Variants in CUBN observed in about 807,000 individuals in gnomAD.
CUBN encodes cubilin.
In CUBN, 282 loss-of-function variants were observed where a neutral mutation model predicts 405.3. That is an observed-to-expected ratio of 0.70 (90% CI 0.63 to 0.77). The LOEUF (loss-of-function observed/expected upper bound fraction) is 0.77. Ranked by LOEUF, CUBN falls within the 30% of genes least tolerant of loss-of-function variation. The pLI is 0.00. For missense variants in CUBN, 4,514 were observed against 4,475.2 expected (o/e 1.01, Z -0.25); for synonymous variants, 1,684 against 1,617.0 (o/e 1.04, Z -0.99).
At chr10:17,016,238 T>C (rs935573631) in intron 28 of CUBN, among the ~76,000 whole-genome samples, 1 of 151,996 alleles carries the variant, frequency 6.6e-6, no homozygotes, top group African/African-American at 2.4e-5. Flanking sequence ...ATTCATGGGC[T>C]TTTTCCTAAT....
At chr10:17,038,991 G>A (rs1234517505) in intron 27 of CUBN, among the ~76,000 whole-genome samples, 1 of 152,152 alleles carries the variant, frequency 6.6e-6, no homozygotes, top group Non-Finnish European at 1.5e-5. Context: ...TTTAATTTGA[G>A]TTTTTAAACA....
chr10:16,889,031 A>C (rs1342537933), intron 55 of CUBN, among the ~76,000 whole-genome samples: 1 of 152,218 alleles, frequency 6.6e-6, no homozygotes, highest in Non-Finnish European at 1.5e-5. Context: ...TGCTTTTTAA[A>C]ACTAGCTGGA....
intron 28 of CUBN, among the ~76,000 whole-genome samples, chr10:17,004,918 G>A (rs898966207): frequency 2.6e-5 from 4 of 151,928 alleles, no homozygotes; most frequent in East Asian, 1.9e-4. Context: ...TTGGCCTCCC[G>A]AAGTGCTGGG....
At chr10:16,943,436 C>CA (rs11424438) in intron 36 of CUBN, among the ~76,000 whole-genome samples, 74,249 of 151,952 alleles carry the variant, frequency 0.49, 19,685 homozygotes, top group African/African-American at 0.71. Context: ...TATCTTCAAT[C>CA]TTTTTTTTAT....
intron 28 of CUBN, among the ~76,000 whole-genome samples, chr10:16,996,375 C>T (rs1378525901): frequency 2.0e-5 from 3 of 152,158 alleles, no homozygotes; most frequent in South Asian, 2.1e-4. Context: ...ACTCATCTGC[C>T]GAAAGGAAGT....
At chr10:16,913,528 C>T (rs1841792482) in intron 48 of CUBN, among the ~76,000 whole-genome samples, 1 of 152,196 alleles carries the variant, frequency 6.6e-6, no homozygotes, top group Non-Finnish European at 1.5e-5. Flanking sequence ...GGCTTAGCTT[C>T]CCACAGCCTC....
intron 28 of CUBN, among the ~76,000 whole-genome samples, chr10:17,002,837 A>G (rs922716941): frequency 7.2e-5 from 11 of 152,254 alleles, no homozygotes; most frequent in Admixed American, 7.2e-4. Flanking sequence ...CTTAGAAATG[A>G]GCATCGTCCA....
At position 16,824,227 on chromosome 10, in the gene CUBN, A is replaced by AT. The variant is rs1392194912; in HGVS notation, c.*747dup. On this transcript the variant is annotated 3_prime_UTR_variant, in exon 67 of 67. Coordinates refer to ENST00000377833, the MANE Select transcript of CUBN (RefSeq NM_001081.4). Reference sequence around the variant, plus strand: ...GCCACCATGCCTGGCTAATTTTTTGATTTTTTGTAAAAATCAGGTCTCACT... The same window carrying AT: ...GCCACCATGCCTGGCTAATTTTTTGATTTTTTTGTAAAAATCAGGTCTCACT... 4 of 151,854 alleles carry AT rather than the reference A, an allele frequency of 2.6e-5. No homozygotes were observed. The highest frequency in any genetic ancestry group is 2.4e-5 in the African/African-American group (1 of 41,392). The allele number at this position is 151,854 out of a possible 1,614,324, so 9.4% of individuals were successfully genotyped here.
Position 16,901,408 on chromosome 10 carries a change from T to C in CUBN, c.8114A>G (p.Tyr2705Cys), listed in dbSNP as rs2131422169. The C allele has an allele frequency of 1.2e-6, 2 of 1,614,148 alleles. No homozygotes were observed. Among genetic ancestry groups the C allele is most frequent in the Non-Finnish European group, 1.7e-6 (2 of 1,179,988 alleles). Residue 2705 changes from tyrosine (Y) to cysteine (C), a missense_variant, in exon 52 of 67, where the codon TAT (tyrosine) becomes TGT (cysteine). Physicochemically the swap from Tyr to Cys is radical, Grantham distance 194. This residue lies in a region of CUBN where 1,186 missense variants were observed against 1,186.9 expected (regional missense o/e 1.00). Transcript: ENST00000377833. ...GDSGVITSPN[Y>C]PNAYDSLTHC... Reference sequence around the variant, plus strand: ...GGTCAGGCTGTCATAAGCATTTGGATAGTTGGGGCTTGTGATCACTCCACT... The same window carrying C: ...GGTCAGGCTGTCATAAGCATTTGGACAGTTGGGGCTTGTGATCACTCCACT...
At chr10:17,088,830 A>G (rs1359773342) in intron 14 of CUBN, among the ~76,000 whole-genome samples, 1 of 152,242 alleles carries the variant, frequency 6.6e-6, no homozygotes, top group African/African-American at 2.4e-5. Context: ...CATTCATTTA[A>G]TAAATGAAAA....
intron 31 of CUBN, among the ~76,000 whole-genome samples, chr10:16,972,557 C>T (rs56311018): frequency 0.28 from 43,197 of 151,582 alleles, 6,337 homozygotes; most frequent in African/African-American, 0.34. Context: ...CCCACCTCAA[C>T]CTCCTGAGTT....
chr10:17,087,460 A>ATTTTTGTTTTTT (rs1564510318), intron 15 of CUBN, among the ~76,000 whole-genome samples: 1 of 99,098 alleles, frequency 1.0e-5, no homozygotes, highest in Admixed American at 1.2e-4. Flanking sequence ...AATCACTATT[A>ATTTTTGTTTTTT]TTTTTCTTTT....
intron 30 of CUBN, among the ~76,000 whole-genome samples, chr10:16,982,956 T>C (rs1445954397): frequency 6.6e-6 from 1 of 152,036 alleles, no homozygotes; most frequent in Non-Finnish European, 1.5e-5. Flanking sequence ...ATGCTGCTTC[T>C]TCACTGTCCT....
rs370699506 is a variant in CUBN, at chr10:17,103,186, G to A, written c.1469C>T (p.Pro490Leu). The change falls in exon 13 of 67, where the codon CCG becomes CTG. Residue 490 changes from proline to leucine, a missense_variant. Physicochemically the swap from Pro to Leu is moderately conservative, Grantham distance 98. This residue lies in a region of CUBN where 1,448 missense variants were observed against 1,388.0 expected (regional missense o/e 1.04). Transcript: ENST00000377833. Reference protein sequence around the residue: ...GINGSFSYRSPDVGYVHDVNC... With the variant: ...GINGSFSYRSLDVGYVHDVNC... ...AACATCATGAACATAACCAACATCC[G>A]GGCTCCTGTAGCTGAAGCTTCCATT... 2.0e-5 allele frequency: 33 copies of A among 1,613,820 alleles called. No individual in the cohort carries two copies. The highest frequency in any genetic ancestry group is 1.3e-4 in the East Asian group (6 of 44,858).
intron 34 of CUBN, among the ~76,000 whole-genome samples, chr10:16,949,674 A>G (rs1001952703): frequency 6.6e-6 from 1 of 152,126 alleles, no homozygotes; most frequent in Non-Finnish European, 1.5e-5. Context: ...AACTTGGTCA[A>G]ATATTAACAA....
chr10:16,894,403 G>A (rs1564408363), intron 54 of CUBN, among the ~76,000 whole-genome samples: 1 of 152,008 alleles, frequency 6.6e-6, no homozygotes, highest in African/African-American at 2.4e-5. Flanking sequence ...GGTTTAGGTT[G>A]AGATTCATAT....
intron 9 of CUBN, among the ~76,000 whole-genome samples, chr10:17,110,467 T>C (rs1836746078): frequency 6.6e-6 from 1 of 152,232 alleles, no homozygotes; most frequent in Admixed American, 6.5e-5. Context: ...TAATGTGTCC[T>C]GAATTCACAA....
chr10:17,021,485 C>T (rs562897128), intron 27 of CUBN, among the ~76,000 whole-genome samples: 2 of 152,260 alleles, frequency 1.3e-5, no homozygotes, highest in South Asian at 4.1e-4. Context: ...GACAACGAAA[C>T]ATAAAATACC....
At chr10:17,124,055 A>G (rs1020091458) in intron 4 of CUBN, among the ~76,000 whole-genome samples, 1 of 152,220 alleles carries the variant, frequency 6.6e-6, no homozygotes, top group Non-Finnish European at 1.5e-5. Flanking sequence ...TTGCTATTGC[A>G]CAAAGAAAAT....
Sources: gnomAD v4.1 joint callset for allele counts (sites outside exome capture counted in the v4.1 genomes callset) on GRCh38, gnomAD v4.1.1 for gene constraint, gnomAD v4.1.1 regional missense constraint, MANE v1.5 for transcripts, NCBI Gene and HGNC (gene_info 2026-07-23, HGNC 2026-07-21) for gene names.